Variants in GRIN2A observed in about 807,000 individuals in gnomAD.
GRIN2A encodes the protein glutamate ionotropic receptor NMDA type subunit 2A, also known as glutamate receptor ionotropic, NMDA 2A.
In GRIN2A, 22 loss-of-function variants were observed where a neutral mutation model predicts 113.4. That is an observed-to-expected ratio of 0.19 (90% CI 0.14 to 0.28). The LOEUF (loss-of-function observed/expected upper bound fraction) is 0.28. Ranked by LOEUF, GRIN2A falls within the 10% of genes least tolerant of loss-of-function variation. The pLI, the probability that GRIN2A is intolerant of heterozygous loss-of-function variation, is 1.00. For synonymous variants in GRIN2A, 827 were observed against 738.4 expected (o/e 1.12, Z -1.94); for missense variants, 1,502 against 1,887.0 (o/e 0.80, Z 3.78).
chr16:9,786,205 C>G (rs148115689), intron 11 of GRIN2A, among the ~76,000 whole-genome samples: 1 of 152,176 alleles, frequency 6.6e-6, no homozygotes, highest in Admixed American at 6.5e-5. Flanking sequence ...TTCCAGCAAC[C>G]AAGACAGGTC....
intron 2 of GRIN2A, among the ~76,000 whole-genome samples, chr16:10,009,190 A>G (rs2046457802): frequency 6.6e-6 from 1 of 152,262 alleles, no homozygotes; most frequent in African/African-American, 2.4e-5. Context: ...AATGATGTAC[A>G]AGAAACAGCA....
intron 2 of GRIN2A, among the ~76,000 whole-genome samples, chr16:9,996,098 G>A (rs2046219968): frequency 6.7e-6 from 1 of 149,134 alleles, no homozygotes; most frequent in African/African-American, 2.5e-5. Flanking sequence ...AACAGAGAAA[G>A]GAGGATTTGG....
chr16:10,103,102 A>T (rs10153161), intron 2 of GRIN2A, among the ~76,000 whole-genome samples: 7,355 of 152,294 alleles, frequency 0.048, 312 homozygotes, highest in African/African-American at 0.12. Context: ...TATTTTCTCT[A>T]ATAGGAGACC....
rs2141346247 is a variant in GRIN2A, at chr16:9,841,110, A to G, written c.1329-6T>C. On this transcript the variant is annotated splice_region_variant and splice_polypyrimidine_tract_variant and intron_variant, in intron 5 of 12. Coordinates refer to ENST00000330684, the MANE Select transcript of GRIN2A (RefSeq NM_001134407.3). ...TCCCCTCATTGGTTGAATTGCTGTA[A>G]AGAAAAACCCCAAGACCACAGAATG... The G allele has an allele frequency of 6.2e-7, 1 of 1,611,758 alleles. No homozygotes were observed. Among genetic ancestry groups the G allele is most frequent in the Non-Finnish European group, 8.5e-7 (1 of 1,177,936 alleles).
At chr16:10,076,977 G>A (rs778994446) in intron 2 of GRIN2A, among the ~76,000 whole-genome samples, 13 of 152,292 alleles carry the variant, frequency 8.5e-5, no homozygotes, top group African/African-American at 1.9e-4. Context: ...GATGACCTGC[G>A]TGGGGCCAAT....
intron 2 of GRIN2A, among the ~76,000 whole-genome samples, chr16:10,100,163 T>C (rs948400401): frequency 6.6e-6 from 1 of 152,088 alleles, no homozygotes; most frequent in Admixed American, 6.5e-5. Flanking sequence ...GCTCCAGAGG[T>C]AGCCGAGGTC....
intron 5 of GRIN2A, among the ~76,000 whole-genome samples, chr16:9,843,204 T>C (rs1203709198): frequency 2.0e-5 from 3 of 151,438 alleles, no homozygotes; most frequent in East Asian, 3.9e-4. Flanking sequence ...TTAGGGTTTT[T>C]CCCCAAATTA....
At chr16:10,072,054 T>C (rs9938467) in intron 2 of GRIN2A, among the ~76,000 whole-genome samples, 21,237 of 152,138 alleles carry the variant, frequency 0.14, 2,002 homozygotes, top group African/African-American at 0.27. Context: ...CTTGGTACCA[T>C]AGGTTCATGA....
chr16:9,941,790 G>A (rs938002366), intron 2 of GRIN2A, among the ~76,000 whole-genome samples: 7 of 152,088 alleles, frequency 4.6e-5, no homozygotes, highest in African/African-American at 7.2e-5. Context: ...TGAGAGTCAC[G>A]TTGCTCCTCA....
At chr16:9,918,018 A>G (rs999193126) in intron 3 of GRIN2A, among the ~76,000 whole-genome samples, 6 of 152,200 alleles carry the variant, frequency 3.9e-5, no homozygotes, top group Non-Finnish European at 8.8e-5. Flanking sequence ...ATTATTATAT[A>G]AGAGCCAGCA....
Position 9,763,945 on chromosome 16 carries a change from T to C in GRIN2A, c.3599A>G (p.His1200Arg), listed in dbSNP as rs774291111. 1 of 1,614,136 alleles carries C rather than the reference T, an allele frequency of 6.2e-7. No homozygotes were observed. The highest frequency in any genetic ancestry group is 8.5e-7 in the Non-Finnish European group (1 of 1,180,008). ...HFTLKDKGSP[H>R]SETSERYRQN... The stretch of plus-strand genomic sequence containing the variant: ...CCGGTATCGCTCGCTGGTCTCACTG[T>C]GCGGGGAACCCTTGTCTTTCAAGGT... The change falls in exon 13 of 13, where the codon CAC (histidine) becomes CGC (arginine). Residue 1200 changes from histidine (H) to arginine (R), a missense_variant. This residue lies in a region of GRIN2A where 832 missense variants were observed against 789.7 expected (regional missense o/e 1.05). Coordinates refer to ENST00000330684, the MANE Select transcript of GRIN2A (RefSeq NM_001134407.3).
At chr16:9,924,110 C>CAAAAAAAAAAA (rs921695456) in intron 3 of GRIN2A, among the ~76,000 whole-genome samples, 5 of 18,208 alleles carry the variant, frequency 2.7e-4, no homozygotes, top group African/African-American at 6.6e-4. Flanking sequence ...GACTTGGTCT[C>CAAAAAAAAAAA]AAAAAAAAAA....
intron 2 of GRIN2A, among the ~76,000 whole-genome samples, chr16:10,021,685 G>C (rs1047210949): frequency 1.3e-5 from 2 of 152,130 alleles, no homozygotes; most frequent in South Asian, 2.1e-4. Context: ...GAGCATTCCA[G>C]GTGGAAAGAA....
intron 10 of GRIN2A, among the ~76,000 whole-genome samples, chr16:9,810,023 G>A (rs1352276298): frequency 4.6e-5 from 7 of 152,134 alleles, no homozygotes; most frequent in Admixed American, 1.3e-4. Flanking sequence ...GGCCGAGATC[G>A]CGCCGTTGCA....
At chr16:10,099,901 A>G (rs1439601922) in intron 2 of GRIN2A, among the ~76,000 whole-genome samples, 2 of 152,216 alleles carry the variant, frequency 1.3e-5, no homozygotes, top group African/African-American at 2.4e-5. Context: ...AAGATGGATA[A>G]TTCTCCATTC....
chr16:10,071,151 C>T (rs1220187954), intron 2 of GRIN2A, among the ~76,000 whole-genome samples: 2 of 152,206 alleles, frequency 1.3e-5, no homozygotes, highest in African/African-American at 4.8e-5. Flanking sequence ...CCATGCCTAG[C>T]ACATGGCTGA....
intron 2 of GRIN2A, among the ~76,000 whole-genome samples, chr16:9,971,823 A>AT (rs967629099): frequency 1.3e-5 from 2 of 151,978 alleles, no homozygotes; most frequent in African/African-American, 2.4e-5. Flanking sequence ...GGAAAAAAAA[A>AT]ATATACCTGA....
At chr16:9,945,450 G>A (rs1008301624) in intron 2 of GRIN2A, among the ~76,000 whole-genome samples, 4 of 152,176 alleles carry the variant, frequency 2.6e-5, no homozygotes, top group Non-Finnish European at 4.4e-5. Flanking sequence ...GCAAGAGAGA[G>A]TGGTGAGACA....
At position 9,753,666 on chromosome 16, in the gene GRIN2A, G is replaced by C. The variant is rs1022274895; in HGVS notation, c.*9483C>G. The C allele has an allele frequency of 2.0e-5, 4 of 195,186 alleles. No homozygotes were observed. The highest frequency in any genetic ancestry group is 4.3e-5 in the Non-Finnish European group (4 of 93,910). 12.1% of individuals were successfully genotyped at this position (195,186 alleles called of 1,614,324 possible). ...AGGTGTTAAGCAAACATATAATTTT[G>C]TAGCTATGCTTGGAAATATTTAATA... On this transcript the variant is annotated 3_prime_UTR_variant, in exon 13 of 13. Coordinates refer to ENST00000330684, the MANE Select transcript of GRIN2A (RefSeq NM_001134407.3).
Sources: gnomAD v4.1 joint callset for allele counts (sites outside exome capture counted in the v4.1 genomes callset) on GRCh38, gnomAD v4.1.1 for gene constraint, gnomAD v4.1.1 regional missense constraint, MANE v1.5 for transcripts, NCBI Gene and HGNC (gene_info 2026-07-23, HGNC 2026-07-21) for gene names.